PRR27: variants seen among roughly 807,000 people sequenced by gnomAD.
PRR27 encodes proline rich 27.
PRR27 carries 12 observed loss-of-function variants against 16.8 expected under a neutral mutation model. That is an observed-to-expected ratio of 0.71 (90% CI 0.46 to 1.16). PRR27 has a LOEUF of 1.16. PRR27 is among the 50% of genes most tolerant of loss of function. The probability of loss-of-function intolerance (pLI) is 0.00; values close to 1 mark genes in which losing one functional copy is unlikely to be tolerated. For synonymous variants in PRR27, 100 were observed against 98.4 expected, an observed-to-expected ratio of 1.02 and a Z score of -0.10; for missense variants, 277 against 273.3, an observed-to-expected ratio of 1.01 and a Z score of -0.10.
chr4:70,154,823 T>C, intron 1 of PRR27: 1 of 1,236,566 alleles, frequency 8.1e-7, no homozygotes, highest in Non-Finnish European at 1.1e-6. Context: ...GGATACTTGA[T>C]GGAATAGAAG....
At chr4:70,162,053 A>G (rs928574345) in intron 4 of PRR27, among the ~76,000 whole-genome samples, 1 of 152,176 alleles carries the variant, frequency 6.6e-6, no homozygotes, top group Non-Finnish European at 1.5e-5. Context: ...GAAAACAAAC[A>G]ATTTAGACCT....
At chr4:70,161,672 A>G (rs950889380) in intron 4 of PRR27, 42 bp downstream of exon 4, 1 of 967,618 alleles carries the variant, frequency 1.0e-6, no homozygotes. Context: ...TTATAGATAA[A>G]GAGGTTAAAT....
At chr4:70,158,938 A>G (rs778667086) in intron 3 of PRR27, 38 bp downstream of exon 3, 6 of 1,536,570 alleles carry the variant, frequency 3.9e-6, no homozygotes, top group South Asian at 1.2e-5. Context: ...ATGTATGAGA[A>G]ATGAGATTTG....
intron 3 of PRR27, among the ~76,000 whole-genome samples, chr4:70,160,365 C>G (rs868779640): frequency 6.6e-6 from 1 of 151,172 alleles, no homozygotes; most frequent in African/African-American, 2.4e-5. Context: ...GCTATCTTGA[C>G]CTTCCTGGCT....
rs767283531 is a variant in PRR27, at chr4:70,158,374, C to T, written c.122C>T (p.Pro41Leu). Reference protein sequence around the residue: ...GHPLHPSLNIPYGIRNLPPPL... With the variant: ...GHPLHPSLNILYGIRNLPPPL... ...CCACTTCATCCATCTCTGAATATTC[C>T]TTATGGCATACGGAATTTACCACCT... The change falls in exon 3 of 5, where the codon CCT (proline) becomes CTT (leucine). Residue 41 changes from proline to leucine, a missense_variant. Pro to Leu is a moderately conservative substitution (Grantham distance 98). Transcript: ENST00000344526. 14 of 1,613,222 alleles carry T rather than the reference C, an allele frequency of 8.7e-6. No individual in the cohort carries two copies. The East Asian group carries it at 2.5e-4, about 28-fold the overall frequency.
chr4:70,160,443 C>CTGTGTGTGTGTG lies in PRR27; in HGVS notation c.649-1123_649-1112dup, dbSNP rs71210150. Among the ~76,000 whole-genome samples, 172 of 68,676 alleles carry CTGTGTGTGTGTG rather than the reference C, an allele frequency of 2.5e-3. 5 individuals carry two copies. Among genetic ancestry groups the CTGTGTGTGTGTG allele is most frequent in the East Asian group, 0.011 (20 of 1,800 alleles). The allele number at this position is 68,676 out of a possible 152,430, so 45.1% of individuals were successfully genotyped here. A position where few individuals can be genotyped will look rare whatever the true frequency, so the allele number is the denominator to read the frequency against. ...TCTCTCTCTCTCTCTCTCTCTCTCT[C>CTGTGTGTGTGTG]TGTGTGTGTGTGTGTGTGTGTGTGT... On this transcript the variant is annotated intron_variant, in intron 3 of 4. Transcript: ENST00000344526.
Position 70,164,641 on chromosome 4 carries a change from T to C in PRR27, c.*1980T>C, listed in dbSNP as rs903825130. ...ATAAATTTGTAATCATACATGATAGTCAATTTTAATGATTATGTTGTCAAA... is the reference window on the plus strand; with the variant it reads ...ATAAATTTGTAATCATACATGATAGCCAATTTTAATGATTATGTTGTCAAA... On this transcript the variant is annotated 3_prime_UTR_variant, in exon 5 of 5. Transcript: ENST00000344526. The C allele has an allele frequency of 6.6e-6, 1 of 152,144 alleles. No homozygotes were observed. The highest frequency in any genetic ancestry group is 1.5e-5 in the Non-Finnish European group (1 of 67,994). 9.4% of individuals were successfully genotyped at this position (152,144 alleles called of 1,614,324 possible).
Position 70,163,566 on chromosome 4 carries a change from C to G in PRR27, c.*905C>G, listed in dbSNP as rs969375999. 6.6e-6 allele frequency: 1 copy of G among 152,618 alleles called. No homozygotes were observed. 9.5% of individuals were successfully genotyped at this position (152,618 alleles called of 1,614,324 possible). On this transcript the variant is annotated 3_prime_UTR_variant, in exon 5 of 5. Transcript: ENST00000344526. ...TGACCTCATGATCTGTCCGCCTCGG[C>G]CTCCCAAAGTGCTGGGAATACAGGC...
At chr4:70,155,562 G>T (rs540854115) in intron 1 of PRR27, among the ~76,000 whole-genome samples, 3 of 152,066 alleles carry the variant, frequency 2.0e-5, no homozygotes, top group Non-Finnish European at 4.4e-5. Context: ...TAGAGACGGG[G>T]TTTCACCGTG....
At chr4:70,156,099 A>C (rs771260111) in intron 2 of PRR27, 22 bp downstream of exon 2, 2 of 1,315,090 alleles carry the variant, frequency 1.5e-6, no homozygotes, top group South Asian at 1.5e-5. Context: ...TTTTCTTTAC[A>C]CGCAAGTATA....
In PRR27 at chr4:70,156,085, T is replaced by C. The variant is rs1728469369; in HGVS notation, c.75+8T>C. The C allele has an allele frequency of 2.9e-6, 4 of 1,384,312 alleles. No individual in the cohort carries two copies. Among genetic ancestry groups the C allele is most frequent in the Non-Finnish European group, 2.9e-6 (3 of 1,032,278 alleles). The allele number at this position is 1,384,312 out of a possible 1,614,324, so 85.8% of individuals were successfully genotyped here. ...TTCCCCTTCATTGGTGAGGTAAAACTTTTTTTTCTTTACACGCAAGTATAT... is the reference window on the plus strand; with the variant it reads ...TTCCCCTTCATTGGTGAGGTAAAACCTTTTTTTCTTTACACGCAAGTATAT... On this transcript the variant is annotated splice_region_variant and intron_variant, in intron 2 of 4. Transcript: ENST00000344526.
intron 3 of PRR27, among the ~76,000 whole-genome samples, chr4:70,159,425 T>G (rs1358346453): frequency 6.6e-6 from 1 of 152,238 alleles, no homozygotes; most frequent in African/African-American, 2.4e-5. Flanking sequence ...CTGGATGCAT[T>G]TATTTACTTA....
At chr4:70,161,134 C>A (rs1342701044) in intron 3 of PRR27, among the ~76,000 whole-genome samples, 1 of 126,858 alleles carries the variant, frequency 7.9e-6, no homozygotes, top group African/African-American at 3.0e-5. Flanking sequence ...CACTTTCCAT[C>A]TGCTGGGGTA....
In PRR27 at chr4:70,164,535, T is replaced by C. The variant is rs1728722760; in HGVS notation, c.*1874T>C. On this transcript the variant is annotated 3_prime_UTR_variant, in exon 5 of 5. Coordinates refer to ENST00000344526, the MANE Select transcript of PRR27 (RefSeq NM_214711.4). ...GAGCCAAGTAGGATCTAACTTTAAT[T>C]TGACTTAGCCAATAATCTGAAACTA... is the stretch of plus-strand genomic sequence containing the variant. 6.6e-6 allele frequency: 1 copy of C among 152,116 alleles called. No homozygotes were observed. Among genetic ancestry groups the C allele is most frequent in the South Asian group, 2.1e-4 (1 of 4,832 alleles). 9.4% of individuals were successfully genotyped at this position (152,116 alleles called of 1,614,324 possible). A position where few individuals can be genotyped will look rare whatever the true frequency, so the allele number is the denominator to read the frequency against.
At chr4:70,157,270 T>C (rs987775061) in intron 2 of PRR27, among the ~76,000 whole-genome samples, 1 of 151,962 alleles carries the variant, frequency 6.6e-6, no homozygotes, top group Non-Finnish European at 1.5e-5. Flanking sequence ...AGAAACCTTG[T>C]CTGTTTTCCA....
intron 3 of PRR27, among the ~76,000 whole-genome samples, chr4:70,159,165 T>A (rs1172034783): frequency 6.6e-6 from 1 of 152,160 alleles, no homozygotes; most frequent in Non-Finnish European, 1.5e-5. Context: ...TCCTCTGTAA[T>A]CCCACATTCC....
Position 70,158,545 on chromosome 4 carries a change from A to G in PRR27, c.293A>G (p.Gln98Arg), listed in dbSNP as rs1287883579. 2 of 1,614,050 alleles carry G rather than the reference A, an allele frequency of 1.2e-6. No individual in the cohort carries two copies. Among genetic ancestry groups the G allele is most frequent in the Non-Finnish European group, 1.7e-6 (2 of 1,179,972 alleles). The change falls in exon 3 of 5, where the codon CAG (glutamine) becomes CGG (arginine). Residue 98 changes from glutamine to arginine, a missense_variant. Transcript: ENST00000344526. ...ATCCGTGGTTTTCCCTTAGCTACTCAGTTGAATGTTCCTCCTCTCCCTCCT... is the reference window on the plus strand; with the variant it reads ...ATCCGTGGTTTTCCCTTAGCTACTCGGTTGAATGTTCCTCCTCTCCCTCCT... The part of the protein sequence containing the change: ...YHIRGFPLAT[Q>R]LNVPPLPPRG...
chr4:70,162,094 C>A (rs1325454896), intron 4 of PRR27, among the ~76,000 whole-genome samples: 2 of 152,142 alleles, frequency 1.3e-5, no homozygotes, highest in Non-Finnish European at 2.9e-5. Flanking sequence ...TTGTACCACC[C>A]AAAGGCACAA....
intron 1 of PRR27, chr4:70,154,848 A>G: frequency 1.0e-6 from 1 of 986,800 alleles, no homozygotes; most frequent in Non-Finnish European, 1.4e-6. Context: ...TGCACATCAT[A>G]CCTTTAGTGG....
Sources: gnomAD v4.1 joint callset for allele counts (sites outside exome capture counted in the v4.1 genomes callset) on GRCh38, gnomAD v4.1.1 for gene constraint, MANE v1.5 for transcripts, NCBI Gene and HGNC (gene_info 2026-07-23, HGNC 2026-07-21) for gene names.